The following BACH1 variants were observed in gnomAD, a reference collection of about 807,000 sequenced individuals.
The protein encoded by BACH1 is BTB domain and CNC homolog 1, also known as transcription regulator protein BACH1.
Under a neutral mutation model 52.9 loss-of-function variants are expected in BACH1, and 35 were observed. That is an observed-to-expected ratio of 0.66 (90% CI 0.51 to 0.88). The LOEUF (loss-of-function observed/expected upper bound fraction) is 0.88, where lower values mean the gene tolerates loss of function less well. Among genes scored for constraint, BACH1 ranks in the 40% least tolerant of loss-of-function variants. BACH1 has a pLI of 0.00. For synonymous variants in BACH1, 321 were observed against 319.6 expected (o/e 1.00, Z -0.05); for missense variants, 808 against 872.6 (o/e 0.93, Z 0.93).
intron 4 of BACH1, among the ~76,000 whole-genome samples, chr21:29,340,624 A>G (rs754020764): frequency 5.9e-5 from 9 of 152,312 alleles, no homozygotes; most frequent in South Asian, 2.1e-4. Context: ...AAAATTTTCT[A>G]TTGCTGTTTA....
chr21:29,323,254 T>G (rs951287460), intron 2 of BACH1, among the ~76,000 whole-genome samples: 11 of 152,178 alleles, frequency 7.2e-5, no homozygotes, highest in Non-Finnish European at 1.5e-4. Context: ...GGCTCACATG[T>G]TCACAAGGTG....
intron 2 of BACH1, among the ~76,000 whole-genome samples, chr21:29,352,043 A>T (rs1383255523): frequency 6.6e-6 from 1 of 151,846 alleles, no homozygotes. Context: ...CTGCAGTGAG[A>T]CAGACCTAGT....
chr21:29,327,858 G>C (rs1228232414), intron 3 of BACH1, among the ~76,000 whole-genome samples: 1 of 152,204 alleles, frequency 6.6e-6, no homozygotes, highest in Non-Finnish European at 1.5e-5. Context: ...AATACCAAAA[G>C]AGAGAGATGA....
Position 29,327,346 on chromosome 21 carries a change from A to T in BACH1, c.1522A>T (p.Thr508Ser). ...ISLGDDSETD[T>S]EGDSESCSAR... The stretch of plus-strand genomic sequence containing the variant: ...CTTGGGAGACGACTCTGAGACGGAC[A>T]CCGAAGGAGACAGTGAATCCTGTTC... Residue 508 changes from threonine to serine, a missense_variant, in exon 3 of 5, where the codon ACC (threonine) becomes TCC (serine). Physicochemically the swap from Thr to Ser is moderately conservative, Grantham distance 58. Coordinates refer to ENST00000286800, the MANE Select transcript of BACH1 (RefSeq NM_001186.4). 3 of 1,614,184 alleles carry T rather than the reference A, an allele frequency of 1.9e-6. No homozygotes were observed. The highest frequency in any genetic ancestry group is 2.5e-6 in the Non-Finnish European group (3 of 1,180,028).
chr21:29,324,556 TTGTGTGTGTGTGTGTGTGTGTGTGTG>T (rs59785894), intron 2 of BACH1, among the ~76,000 whole-genome samples: 15 of 145,222 alleles, frequency 1.0e-4, no homozygotes, highest in African/African-American at 7.6e-5. Flanking sequence ...TGGATGTACC[TTGTGTGTGTGTGTGTGTGTGTGTGTG>T]TGTGTGTGTG....
At chr21:29,317,725 G>T (rs959872525) in intron 1 of BACH1, among the ~76,000 whole-genome samples, 1 of 152,134 alleles carries the variant, frequency 6.6e-6, no homozygotes, top group Non-Finnish European at 1.5e-5. Context: ...GGGCTTTAGG[G>T]GTATAAGGCT....
chr21:29,321,299 T>C lies in BACH1; in HGVS notation c.19T>C (p.Ser7Pro). 1 of 1,613,992 alleles carries C rather than the reference T, an allele frequency of 6.2e-7. No homozygotes were observed. Among genetic ancestry groups the C allele is most frequent in the South Asian group, 1.1e-5 (1 of 91,060 alleles). MSLSEN[S>P]VFAYESSVHS... is the part of the protein sequence containing the mutation. ...ATGCAGAATGTCTCTGAGTGAGAACTCGGTTTTTGCCTATGAATCTTCTGT... is the reference window on the plus strand; with the variant it reads ...ATGCAGAATGTCTCTGAGTGAGAACCCGGTTTTTGCCTATGAATCTTCTGT... The change falls in exon 2 of 5, where the codon TCG (serine) becomes CCG (proline). Residue 7 changes from serine to proline, a missense_variant. Physicochemically the swap from Ser to Pro is moderately conservative, Grantham distance 74. Coordinates refer to ENST00000286800, the MANE Select transcript of BACH1 (RefSeq NM_001186.4).
intron 2 of BACH1, among the ~76,000 whole-genome samples, chr21:29,358,611 G>A (rs2089248974): frequency 6.6e-6 from 1 of 151,890 alleles, no homozygotes; most frequent in East Asian, 1.9e-4. Context: ...GTGGTGGAGG[G>A]CGCCTGTAAT....
chr21:29,327,914 C>G (rs2088934004), intron 3 of BACH1, among the ~76,000 whole-genome samples: 1 of 152,188 alleles, frequency 6.6e-6, no homozygotes, highest in Non-Finnish European at 1.5e-5. Context: ...ATATATTAAC[C>G]ATAAAGTAGG....
intron 1 of BACH1, among the ~76,000 whole-genome samples, chr21:29,316,237 A>T (rs1447999902): frequency 6.6e-6 from 1 of 152,204 alleles, no homozygotes; most frequent in Non-Finnish European, 1.5e-5. Flanking sequence ...AAGCCACAGC[A>T]TCTTGTTTTC....
intron 2 of BACH1, among the ~76,000 whole-genome samples, chr21:29,322,758 C>T (rs968050996): frequency 2.0e-5 from 3 of 152,108 alleles, no homozygotes; most frequent in African/African-American, 7.2e-5. Context: ...ACTGCAGCTA[C>T]GGTTTTGGGA....
intron 2 of BACH1, among the ~76,000 whole-genome samples, chr21:29,355,109 A>G (rs939117391): frequency 1.3e-5 from 2 of 152,150 alleles, no homozygotes; most frequent in Non-Finnish European, 2.9e-5. Flanking sequence ...TTATTCCCTT[A>G]TTTGGCTCTG....
intron 2 of BACH1, among the ~76,000 whole-genome samples, chr21:29,352,023 G>T (rs998599311): frequency 3.3e-5 from 5 of 151,408 alleles, no homozygotes; most frequent in Non-Finnish European, 5.9e-5. Flanking sequence ...GGAATAGAAA[G>T]AACATAAACC....
intron 1 of BACH1, among the ~76,000 whole-genome samples, chr21:29,310,752 A>G (rs938740468): frequency 6.6e-6 from 1 of 152,254 alleles, no homozygotes; most frequent in Non-Finnish European, 1.5e-5. Flanking sequence ...AACATTTGCC[A>G]TTTGGTGATG....
intron 1 of BACH1, among the ~76,000 whole-genome samples, chr21:29,314,177 G>A (rs2088760422): frequency 6.6e-6 from 1 of 152,178 alleles, no homozygotes; most frequent in African/African-American, 2.4e-5. Flanking sequence ...TAAGCTCTTT[G>A]TAGTAAGAAG....
intron 4 of BACH1, among the ~76,000 whole-genome samples, chr21:29,339,074 C>A (rs927167128): frequency 1.4e-4 from 21 of 152,164 alleles, no homozygotes; most frequent in Non-Finnish European, 2.9e-5. Flanking sequence ...CAGTTGGGAT[C>A]CTGCAGTGAA....
chr21:29,312,996 T>C (rs937031212), intron 1 of BACH1, among the ~76,000 whole-genome samples: 6 of 152,194 alleles, frequency 3.9e-5, no homozygotes, highest in Admixed American at 2.0e-4. Context: ...CCATTACTTA[T>C]CAAGAAATGC....
chr21:29,327,472 CA>C, intron 3 of BACH1, 79 bp downstream of exon 3: 1 of 1,507,140 alleles, frequency 6.6e-7, no homozygotes, highest in Non-Finnish European at 8.9e-7. Flanking sequence ...CCCTTTGCAT[CA>C]TTAGGGATAT....
chr21:29,327,559 G>A (rs751943066), intron 3 of BACH1, among the ~76,000 whole-genome samples, 166 bp downstream of exon 3: 34 of 152,316 alleles, frequency 2.2e-4, no homozygotes, highest in Non-Finnish European at 4.0e-4. Context: ...GGGCGCAGTG[G>A]CCCACAACTG....
Sources: gnomAD v4.1 joint callset for allele counts (sites outside exome capture counted in the v4.1 genomes callset) on GRCh38, gnomAD v4.1.1 for gene constraint, MANE v1.5 for transcripts, NCBI Gene and HGNC (gene_info 2026-07-23, HGNC 2026-07-21) for gene names.